Variants in MYO5A observed in about 807,000 individuals in gnomAD.
MYO5A encodes the protein myosin VA.
Under a neutral mutation model 249.7 loss-of-function variants are expected in MYO5A, and 98 were observed. The ratio of observed to expected loss-of-function variants is 0.39; its 90% CI spans 0.33 to 0.46. The LOEUF is 0.46. Among genes scored for constraint, MYO5A ranks in the 20% least tolerant of loss-of-function variants. MYO5A has a pLI of 0.98. For synonymous variants in MYO5A, 778 were observed against 810.6 expected, an observed-to-expected ratio of 0.96 and a Z score of 0.68; for missense variants, 1,696 against 2,308.8, an observed-to-expected ratio of 0.73 and a Z score of 5.44.
chr15:52,380,441 C>G (rs1740013630), intron 16 of MYO5A, among the ~76,000 whole-genome samples: 1 of 151,622 alleles, frequency 6.6e-6, no homozygotes, highest in African/African-American at 2.4e-5. Flanking sequence ...GTCTCAACAA[C>G]AACAAAAAGA....
intron 1 of MYO5A, 61 bp from the exon 2 acceptor site, chr15:52,433,346 A>C (rs2075583417): frequency 1.2e-6 from 1 of 866,296 alleles, no homozygotes; most frequent in Admixed American, 1.9e-5. Flanking sequence ...ATCATATATA[A>C]ACATATGATA....
rs367598685 is a variant in MYO5A at position 52,408,071 on chromosome 15, T to A, written c.826A>T (p.Met276Leu). The change falls in exon 7 of 42, where the codon ATG becomes TTG. Residue 276 changes from methionine to leucine, a missense_variant. Met to Leu is a conservative substitution (Grantham distance 15). Coordinates refer to ENST00000399233, the MANE Select transcript of MYO5A (RefSeq NM_001382347.1). Reference sequence around the variant, plus strand: ...GCCATATTCATACCTAATCGTAGCATTTTAAATTCAGGTAACTTTGCTGAG... The same window carrying A: ...GCCATATTCATACCTAATCGTAGCAATTTAAATTCAGGTAACTTTGCTGAG... ...CASAKLPEFK[M>L]LRLGNADNFN... is the part of the protein sequence containing the mutation. 2 of 1,589,136 alleles carry A rather than the reference T, an allele frequency of 1.3e-6. No individual in the cohort carries two copies. Among genetic ancestry groups the A allele is most frequent in the Admixed American group, 3.3e-5 (2 of 59,974 alleles).
chr15:52,428,365 C>A, intron 3 of MYO5A, 33 bp downstream of exon 3: 1 of 1,594,350 alleles, frequency 6.3e-7, no homozygotes, highest in Non-Finnish European at 8.6e-7. Flanking sequence ...AGGAAAGAGT[C>A]CACAGTCTAT....
chr15:52,321,611 G>A (rs1430132940), intron 37 of MYO5A, 102 bp from the exon 38 acceptor site: 89 of 1,318,148 alleles, frequency 6.8e-5, no homozygotes, highest in Non-Finnish European at 8.1e-5. Flanking sequence ...TTTCTGCTCT[G>A]TCCAAGGAGC....
In MYO5A at chr15:52,336,489, A is replaced by T; in HGVS notation, c.4382T>A (p.Phe1461Tyr). 6.2e-7 allele frequency: 1 copy of T among 1,606,992 alleles called. No individual in the cohort carries two copies. Among genetic ancestry groups the T allele is most frequent in the Non-Finnish European group, 8.5e-7 (1 of 1,175,488 alleles). Residue 1461 changes from phenylalanine to tyrosine, a missense_variant, in exon 34 of 42, where the codon TTT (phenylalanine) becomes TAT (tyrosine). By Grantham distance (22) the Phe-to-Tyr change is conservative. Transcript: ENST00000399233. ...VRKLKKQLKVFAKKIGELEVG... is the reference protein window; with the variant it reads ...VRKLKKQLKVYAKKIGELEVG... ...TTCTAGTTCGCCAATTTTTTTGGCAAATACTTTCAGTTGTTTTTTCAGTTT... is the reference window on the plus strand; with the variant it reads ...TTCTAGTTCGCCAATTTTTTTGGCATATACTTTCAGTTGTTTTTTCAGTTT...
At chr15:52,488,529 A>T (rs1201283152) in intron 1 of MYO5A, among the ~76,000 whole-genome samples, 4 of 152,232 alleles carry the variant, frequency 2.6e-5, no homozygotes, top group Non-Finnish European at 4.4e-5. Flanking sequence ...TAAAACAACA[A>T]AATTAATTAT....
intron 34 of MYO5A, among the ~76,000 whole-genome samples, chr15:52,331,247 A>G (rs2038873252): frequency 2.6e-5 from 4 of 152,174 alleles, no homozygotes; most frequent in Non-Finnish European, 1.5e-5. Context: ...GTTGCAATCA[A>G]TGAAGTACAA....
intron 1 of MYO5A, among the ~76,000 whole-genome samples, chr15:52,494,995 C>G (rs774538810): frequency 1.3e-5 from 2 of 152,112 alleles, no homozygotes; most frequent in Non-Finnish European, 2.9e-5. Context: ...CTACTATCTA[C>G]AAGTTTCAAT....
At chr15:52,515,509 T>C (rs1457805597) in intron 1 of MYO5A, among the ~76,000 whole-genome samples, 1 of 152,208 alleles carries the variant, frequency 6.6e-6, no homozygotes. Context: ...CTTAAATATG[T>C]GCCAGGCATT....
intron 1 of MYO5A, among the ~76,000 whole-genome samples, chr15:52,477,296 A>G (rs1434212070): frequency 6.6e-6 from 1 of 152,096 alleles, no homozygotes; most frequent in Non-Finnish European, 1.5e-5. Flanking sequence ...CATTCGTCCA[A>G]TCTTTTTTTA....
intron 1 of MYO5A, among the ~76,000 whole-genome samples, chr15:52,512,209 C>T (rs2077406124): frequency 6.6e-6 from 1 of 151,046 alleles, no homozygotes; most frequent in Non-Finnish European, 1.5e-5. Flanking sequence ...GTTTGTGTTC[C>T]AATATTGTTA....
At chr15:52,398,728 C>T (rs2042597885) in intron 9 of MYO5A, among the ~76,000 whole-genome samples, 1 of 152,214 alleles carries the variant, frequency 6.6e-6, no homozygotes. Context: ...GTGGCTCACG[C>T]CTGTAATCCC....
chr15:52,431,104 C>T (rs966627073), intron 2 of MYO5A, among the ~76,000 whole-genome samples: 15 of 151,046 alleles, frequency 9.9e-5, no homozygotes, highest in South Asian at 6.3e-4. Context: ...TGGTGGCATG[C>T]GCCTGTAATC....
At chr15:52,383,060 C>G in intron 16 of MYO5A, 31 bp downstream of exon 16, 1 of 1,542,262 alleles carries the variant, frequency 6.5e-7, no homozygotes, top group South Asian at 1.1e-5. Context: ...AAGATATGTA[C>G]TTTTTCACTG....
intron 4 of MYO5A, among the ~76,000 whole-genome samples, chr15:52,420,818 A>G (rs2043750890): frequency 6.6e-6 from 1 of 152,210 alleles, no homozygotes; most frequent in Non-Finnish European, 1.5e-5. Context: ...GAGGGAATAG[A>G]TCTGTTAGAA....
chr15:52,487,711 G>A (rs1263061825), intron 1 of MYO5A, among the ~76,000 whole-genome samples: 6 of 145,622 alleles, frequency 4.1e-5, no homozygotes, highest in African/African-American at 1.5e-4. Context: ...ATGACAGAAC[G>A]AGACTCTGTC....
intron 1 of MYO5A, among the ~76,000 whole-genome samples, chr15:52,488,331 T>C (rs1460450450): frequency 1.3e-5 from 2 of 152,198 alleles, no homozygotes; most frequent in Admixed American, 6.5e-5. Flanking sequence ...CACATTTTAA[T>C]GTGGAGGGCT....
intron 8 of MYO5A, among the ~76,000 whole-genome samples, chr15:52,406,081 G>A (rs549478270): frequency 1.3e-5 from 2 of 152,252 alleles, no homozygotes; most frequent in Admixed American, 6.5e-5. Context: ...GAGAAAGCTG[G>A]ACAGCTTTCA....
rs963660773 is a variant in MYO5A at position 52,309,235 on chromosome 15, CCAAA to C, written c.*4457_*4460del. 2.7e-4 allele frequency: 41 copies of C among 152,180 alleles called. No individual in the cohort carries two copies. The highest frequency in any genetic ancestry group is 9.2e-4 in the African/African-American group (38 of 41,408). The allele number at this position is 152,180 out of a possible 1,614,324, so 9.4% of individuals were successfully genotyped here. On this transcript the variant is annotated 3_prime_UTR_variant, in exon 42 of 42. Coordinates refer to ENST00000399233, the MANE Select transcript of MYO5A (RefSeq NM_001382347.1). ...GAGACAACCTGCTACCAATTAATGC[CCAAA>C]CAGAGTATTGCATCCTCCCAGAGAG...
Sources: allele counts gnomAD v4.1 joint callset (sites outside exome capture counted in the v4.1 genomes callset), GRCh38; gene constraint gnomAD v4.1.1; transcripts MANE v1.5; gene names NCBI Gene and HGNC (gene_info 2026-07-23, HGNC 2026-07-21).